Variants in TAPT1 observed in about 807,000 individuals in gnomAD.
The protein encoded by TAPT1 is transmembrane anterior posterior transformation 1, also known as transmembrane anterior posterior transformation protein 1 homolog.
Under a neutral mutation model 65.6 loss-of-function variants are expected in TAPT1, and 28 were observed. The ratio of observed to expected loss-of-function variants is 0.43; its 90% CI spans 0.32 to 0.59. The LOEUF (loss-of-function observed/expected upper bound fraction) is 0.59. Among genes scored for constraint, TAPT1 ranks in the 20% least tolerant of loss-of-function variants. The probability of loss-of-function intolerance (pLI) is 0.09; values close to 1 mark genes in which losing one functional copy is unlikely to be tolerated. For missense variants in TAPT1, 563 were observed against 679.9 expected, an observed-to-expected ratio of 0.83 and a Z score of 1.91; for synonymous variants, 278 against 245.2, an observed-to-expected ratio of 1.13 and a Z score of -1.25.
At chr4:16,211,461 T>C (rs113511236) in intron 2 of TAPT1, among the ~76,000 whole-genome samples, 5 of 152,284 alleles carry the variant, frequency 3.3e-5, no homozygotes, top group African/African-American at 1.2e-4. Flanking sequence ...AAATTGGCTT[T>C]CCTCTACATC....
intron 2 of TAPT1, among the ~76,000 whole-genome samples, chr4:16,212,096 G>C (rs2149711078): frequency 6.6e-6 from 1 of 152,266 alleles, no homozygotes; most frequent in African/African-American, 2.4e-5. Flanking sequence ...CATTAGTTTT[G>C]CCACAGGAGG....
At chr4:16,213,957 G>A (rs1160882862) in intron 1 of TAPT1, 59 bp from the exon 2 acceptor site, 22 of 1,449,406 alleles carry the variant, frequency 1.5e-5, no homozygotes, top group African/African-American at 4.4e-5. Context: ...GAACTTCCAC[G>A]CTAGCTGGGG....
chr4:16,179,390 A>G, intron 8 of TAPT1, 187 bp downstream of exon 8: 2 of 465,408 alleles, frequency 4.3e-6, no homozygotes, highest in Non-Finnish European at 7.8e-6. Flanking sequence ...TGGGACCACC[A>G]TCGTATATGT....
intron 1 of TAPT1, among the ~76,000 whole-genome samples, chr4:16,223,497 T>C (rs2108903554): frequency 6.6e-6 from 1 of 152,304 alleles, no homozygotes; most frequent in African/African-American, 2.4e-5. Flanking sequence ...ACAATGACCA[T>C]TCTGAGAGAG....
intron 12 of TAPT1, among the ~76,000 whole-genome samples, chr4:16,167,914 A>G (rs1747744050): frequency 6.6e-6 from 1 of 152,182 alleles, no homozygotes; most frequent in Non-Finnish European, 1.5e-5. Context: ...TTTTGCTTCT[A>G]CTAAAAAGTT....
In TAPT1 at chr4:16,194,261, C is replaced by T. The variant is rs28580530; in HGVS notation, c.450-2738G>A. Among the ~76,000 whole-genome samples, 667 of 152,310 alleles carry T rather than the reference C, an allele frequency of 4.4e-3. 3 individuals are homozygous for T. Among genetic ancestry groups the T allele is most frequent in the African/African-American group, 0.011 (471 of 41,570 alleles). On this transcript the variant is annotated intron_variant, in intron 3 of 13. Coordinates refer to ENST00000405303, the MANE Select transcript of TAPT1 (RefSeq NM_153365.3). ...ACCTAATGCTACAATTCAGTTACTA[C>T]GTGGCAAGCACTGTTCTAGACACTC...
intron 1 of TAPT1, among the ~76,000 whole-genome samples, chr4:16,221,874 G>A (rs1751274249): frequency 6.6e-6 from 1 of 152,266 alleles, no homozygotes; most frequent in East Asian, 1.9e-4. Flanking sequence ...CAGCTTTTCT[G>A]GGACTCAATC....
intron 3 of TAPT1, among the ~76,000 whole-genome samples, chr4:16,200,794 G>A (rs947059003): frequency 1.3e-5 from 2 of 152,186 alleles, no homozygotes; most frequent in African/African-American, 4.8e-5. Context: ...GAAGCTCCCA[G>A]GAGTGATAAA....
chr4:16,218,700 G>A (rs1015241296), intron 1 of TAPT1, among the ~76,000 whole-genome samples: 2 of 152,208 alleles, frequency 1.3e-5, no homozygotes, highest in Non-Finnish European at 2.9e-5. Context: ...GACAGTATTT[G>A]TATGAAAGTA....
intron 12 of TAPT1, 28 bp downstream of exon 12, chr4:16,170,625 C>T (rs1747933026): frequency 1.3e-6 from 2 of 1,556,820 alleles, no homozygotes; most frequent in Non-Finnish European, 1.8e-6. Flanking sequence ...TACTGTATAG[C>T]CAAAAACATA....
chr4:16,202,598 G>GA lies in TAPT1; in HGVS notation c.331-19dup, dbSNP rs1578461942. 3 of 1,297,890 alleles carry GA rather than the reference G, an allele frequency of 2.3e-6. No individual in the cohort carries two copies. The highest frequency in any genetic ancestry group is 2.8e-5 in the Admixed American group (1 of 35,224). 80.4% of individuals were successfully genotyped at this position (1,297,890 alleles called of 1,614,324 possible). On this transcript the variant is annotated intron_variant, in intron 2 of 13. Transcript: ENST00000405303. ...ACCATCAGCTGAATTTTAACAAGGA[G>GA]AGAAGAAAAAAAAAAAGTATTTTAA...
At position 16,202,463 on chromosome 4, in the gene TAPT1, T is replaced by G. The variant is rs1227417682; in HGVS notation, c.448A>C (p.Arg150=). Residue 150 remains arginine, a splice_region_variant and synonymous_variant, in exon 3 of 14, where the codon AGG becomes CGG. Transcript: ENST00000405303. ...RLLTLPCYGL[R]DRRLLQPAQV... ...AATAGTTAACGATCTTAAACTTACC[T>G]TAAGCCATAGCAAGGCAAAGTGAGG... The G allele has an allele frequency of 6.6e-7, 1 of 1,519,134 alleles. No individual in the cohort carries two copies. The highest frequency in any genetic ancestry group is 2.0e-5 in the Admixed American group (1 of 50,854). 94.1% of individuals were successfully genotyped at this position (1,519,134 alleles called of 1,614,324 possible).
chr4:16,175,583 T>C (rs1021081933), intron 9 of TAPT1, among the ~76,000 whole-genome samples: 1 of 152,174 alleles, frequency 6.6e-6, no homozygotes, highest in Non-Finnish European at 1.5e-5. Context: ...TTATGTTTTA[T>C]ATGCAATAAA....
At chr4:16,226,191 GC>G in intron 1 of TAPT1, 67 bp downstream of exon 1, 1 of 1,077,330 alleles carries the variant, frequency 9.3e-7, no homozygotes, top group East Asian at 5.7e-5. Context: ...GTTCCAAGGC[GC>G]CCCCGCCGCC....
intron 12 of TAPT1, 31 bp downstream of exon 12, chr4:16,170,622 T>C (rs769010518): frequency 3.9e-6 from 6 of 1,538,908 alleles, no homozygotes; most frequent in Admixed American, 1.7e-5. Context: ...CTTTACTGTA[T>C]AGCCAAAAAC....
intron 1 of TAPT1, among the ~76,000 whole-genome samples, chr4:16,217,780 T>G (rs1218165399): frequency 2.0e-5 from 3 of 152,204 alleles, no homozygotes; most frequent in African/African-American, 7.2e-5. Context: ...GTTCTGAGAC[T>G]TGGGGAGTTA....
At chr4:16,175,227 C>G (rs989959023) in intron 9 of TAPT1, among the ~76,000 whole-genome samples, 6 of 152,058 alleles carry the variant, frequency 3.9e-5, no homozygotes, top group African/African-American at 1.4e-4. Context: ...GTGTCTCAAT[C>G]AAGCCTATTA....
intron 4 of TAPT1, among the ~76,000 whole-genome samples, chr4:16,189,195 G>C (rs1221431358): frequency 1.3e-5 from 2 of 152,186 alleles, no homozygotes; most frequent in Non-Finnish European, 2.9e-5. Context: ...AGGAGGGCAT[G>C]ATATTCAGGA....
In TAPT1 at chr4:16,188,269, T is replaced by G; in HGVS notation, c.699A>C (p.Arg233Ser). ...AGTGAGGAATCACCCCAATGTGGGC[T>G]CTTTTTCTTTCTTTAGGCTCTGTTG... is the stretch of plus-strand genomic sequence containing the variant. ...WTATEPKERKRAHIGVIPHFF... is the reference protein window; with the variant it reads ...WTATEPKERKSAHIGVIPHFF... Residue 233 changes from arginine (R) to serine (S), a missense_variant, in exon 5 of 14, where the codon AGA becomes AGC. Physicochemically the swap from Arg to Ser is moderately radical, Grantham distance 110 (BLOSUM62 -1). Around this residue, in one of 5 missense-constraint regions of TAPT1, gnomAD observed 217 missense variants for 317.5 expected, o/e 0.68. Coordinates refer to ENST00000405303, the MANE Select transcript of TAPT1 (RefSeq NM_153365.3). 2 of 1,612,880 alleles carry G rather than the reference T, an allele frequency of 1.2e-6. No homozygotes were observed. The highest frequency in any genetic ancestry group is 1.1e-5 in the South Asian group (1 of 90,930).
Sources: gnomAD v4.1 joint callset for allele counts (sites outside exome capture counted in the v4.1 genomes callset) on GRCh38, gnomAD v4.1.1 for gene constraint, gnomAD v4.1.1 regional missense constraint, MANE v1.5 for transcripts, NCBI Gene and HGNC (gene_info 2026-07-23, HGNC 2026-07-21) for gene names.